The following DACT2 variants were observed in gnomAD, a reference collection of about 807,000 sequenced individuals.
DACT2 encodes the protein dapper homolog 2.
In DACT2, 20 loss-of-function variants were observed where a neutral mutation model predicts 22.2. The observed-to-expected ratio is 0.90, with a 90% CI of 0.63 to 1.31. The LOEUF (loss-of-function observed/expected upper bound fraction) is 1.31, where lower values mean the gene tolerates loss of function less well. Ranked by LOEUF, DACT2 falls within the 50% of genes most tolerant of loss-of-function variation. The pLI, the probability that DACT2 is intolerant of heterozygous loss-of-function variation, is 0.00. For missense variants in DACT2, 1,048 were observed against 1,061.4 expected (o/e 0.99, Z 0.18); for synonymous variants, 463 against 479.8 (o/e 0.96, Z 0.46).
intron 3 of DACT2, chr6:168,299,549 C>T (rs1779066973): frequency 6.6e-6 from 1 of 152,162 alleles, no homozygotes; most frequent in South Asian, 2.1e-4. Flanking sequence ...CTTGTCATTG[C>T]TTGAATTTTG....
At chr6:168,294,303 C>T in intron 4 of DACT2, 1 of 697,398 alleles carries the variant, frequency 1.4e-6, no homozygotes, top group Admixed American at 2.0e-5. Flanking sequence ...GGTGTGAGGA[C>T]ACAGAGGAAG....
downstream of DACT2, among the ~76,000 whole-genome samples, chr6:168,305,592 C>A (rs1226468799): frequency 7.2e-6 from 1 of 138,684 alleles, no homozygotes; most frequent in Non-Finnish European, 1.5e-5. Flanking sequence ...AACTTCCTAG[C>A]CACGTCTTCA....
At chr6:168,293,837 G>T in exon 6 of DACT2, 2 of 702,318 alleles carry the variant, frequency 2.8e-6, no homozygotes, top group South Asian at 1.5e-5. Flanking sequence ...GCCAGGACCC[G>T]ACTTCCAGCC....
chr6:168,294,577 G>GTGTA (rs1177617130), intron 4 of DACT2: 32 of 124,466 alleles, frequency 2.6e-4, no homozygotes, highest in African/African-American at 1.4e-3. Flanking sequence ...GTGTGTGTGT[G>GTGTA]TATATATATA....
chr6:168,314,252 C>T (rs1779493100), intron 1 of DACT2, among the ~76,000 whole-genome samples: 1 of 152,210 alleles, frequency 6.6e-6, no homozygotes, highest in South Asian at 2.1e-4. Flanking sequence ...CCTCTGCAAG[C>T]GTTCAGGCTA....
At chr6:168,310,071 T>C (rs1583298813) in intron 3 of DACT2, 97 bp downstream of exon 3, 3 of 1,491,204 alleles carry the variant, frequency 2.0e-6, no homozygotes, top group Admixed American at 5.2e-5. Flanking sequence ...GCGTGCTCCG[T>C]GTAGGGTCCC....
At chr6:168,300,641 G>A (rs1266284006) in intron 3 of DACT2, 1 of 152,152 alleles carries the variant, frequency 6.6e-6, no homozygotes, top group Non-Finnish European at 1.5e-5. Context: ...TTCAAAAATA[G>A]AAATTAAAAG....
At chr6:168,295,679 A>G (rs1778995907) in intron 3 of DACT2, among the ~76,000 whole-genome samples, 1 of 152,258 alleles carries the variant, frequency 6.6e-6, no homozygotes, top group Non-Finnish European at 1.5e-5. Flanking sequence ...GCCTATAAAT[A>G]TAAATGCAAT....
chr6:168,307,660 G>A lies in DACT2; in HGVS notation c.2097C>T (p.Ser699=), dbSNP rs1737030416. The change falls in exon 4 of 4, where the codon TCC becomes TCT. Residue 699 remains serine (S), a synonymous_variant. Transcript: ENST00000366795. This position sits in a 1 kb window ranked among gnomAD's most constrained non-coding sequence, Gnocchi z 5.3. ...CGCCGCCCTCCTCGTCGCTGCTGCT[G>A]GACTCACGGTCTCCGAATCGGTTGG... ...HTTNRFGDRE[S]SSSDEEGGAQ... 6.5e-7 allele frequency: 1 copy of A among 1,548,958 alleles called. No homozygotes were observed. Among genetic ancestry groups the A allele is most frequent in the Non-Finnish European group, 8.7e-7 (1 of 1,145,552 alleles).
chr6:168,297,721 C>A (rs1779031427), intron 3 of DACT2, among the ~76,000 whole-genome samples: 1 of 152,216 alleles, frequency 6.6e-6, no homozygotes. Context: ...CAGAGAGAGT[C>A]TTGCTTGCGT....
Position 168,308,465 on chromosome 6 carries a change from C to T in DACT2, c.1292G>A (p.Cys431Tyr), listed in dbSNP as rs1779290837. 1 of 1,551,530 alleles carries T rather than the reference C, an allele frequency of 6.4e-7. No individual in the cohort carries two copies. The highest frequency in any genetic ancestry group is 1.2e-5 in the South Asian group (1 of 84,068). ...PEEGSKPSNSCVLRETMVQAS... is the reference protein window; with the variant it reads ...PEEGSKPSNSYVLRETMVQAS... ...CTGCACCATGGTCTCCCTGAGGACA[C>T]AGCTGTTTGAGGGCTTGGAGCCCTC... The change falls in exon 4 of 4, where the codon TGT (cysteine) becomes TAT (tyrosine). Residue 431 changes from cysteine (C) to tyrosine (Y), a missense_variant. Cys to Tyr is a radical substitution (Grantham distance 194). Coordinates refer to ENST00000366795, the MANE Select transcript of DACT2 (RefSeq NM_214462.5).
chr6:168,308,139 G>A lies in DACT2; in HGVS notation c.1618C>T (p.Pro540Ser), dbSNP rs1476410675. ...PSLEWDPAHW[P>S]TGRGGLQRRP... ...CGCTGGAGCCCGCCCCTCCCTGTGGGCCAGTGGGCAGGGTCCCACTCCAGG... is the reference window on the plus strand; with the variant it reads ...CGCTGGAGCCCGCCCCTCCCTGTGGACCAGTGGGCAGGGTCCCACTCCAGG... Residue 540 changes from proline (P) to serine (S), a missense_variant, in exon 4 of 4, where the codon CCC (proline) becomes TCC (serine). Physicochemically the swap from Pro to Ser is moderately conservative, Grantham distance 74 (BLOSUM62 -1). Coordinates refer to ENST00000366795, the MANE Select transcript of DACT2 (RefSeq NM_214462.5). 3 of 1,549,708 alleles carry A rather than the reference G, an allele frequency of 1.9e-6. No homozygotes were observed. The South Asian group carries it at 3.6e-5, about 18-fold the overall frequency.
chr6:168,307,294 G>A lies in DACT2; in HGVS notation c.*138C>T. On this transcript the variant is annotated 3_prime_UTR_variant, in exon 4 of 4. Coordinates refer to ENST00000366795, the MANE Select transcript of DACT2 (RefSeq NM_214462.5). The surrounding 1 kb of genome is among the most constrained non-coding windows in gnomAD (Gnocchi z 5.3). ...ATACTCCACAGGGCAGAACCCATCT[G>A]CGGGGACTCCTGTTAAACGGTGGCC... 6.8e-7 allele frequency: 1 copy of A among 1,469,090 alleles called. No homozygotes were observed. Among genetic ancestry groups the A allele is most frequent in the Non-Finnish European group, 9.0e-7 (1 of 1,111,874 alleles). 91.0% of individuals were successfully genotyped at this position (1,469,090 alleles called of 1,614,324 possible).
chr6:168,319,714 G>A lies in DACT2; in HGVS notation c.-81C>T. On this transcript the variant is annotated 5_prime_UTR_variant, in exon 1 of 4. Coordinates refer to ENST00000366795, the MANE Select transcript of DACT2 (RefSeq NM_214462.5). Reference sequence around the variant, plus strand: ...GCGCGCGGATCCCGAGCTGTGTCGCGGGTCCTCCTGCGCCTCCTCTCTCCG... The same window carrying A: ...GCGCGCGGATCCCGAGCTGTGTCGCAGGTCCTCCTGCGCCTCCTCTCTCCG... 1 of 1,185,116 alleles carries A rather than the reference G, an allele frequency of 8.4e-7. No individual in the cohort carries two copies. The highest frequency in any genetic ancestry group is 4.1e-5 in the South Asian group (1 of 24,690). 73.4% of individuals were successfully genotyped at this position (1,185,116 alleles called of 1,614,324 possible). A position where few individuals can be genotyped will look rare whatever the true frequency, so the allele number is the denominator to read the frequency against.
intron 3 of DACT2, chr6:168,294,781 GCTTC>G: frequency 1.7e-6 from 1 of 605,194 alleles, no homozygotes; most frequent in Non-Finnish European, 2.5e-6. Context: ...CGATTCTGCA[GCTTC>G]AATGATTCTG....
At chr6:168,300,709 G>T (rs7757897) in intron 3 of DACT2, 1 of 152,084 alleles carries the variant, frequency 6.6e-6, no homozygotes, top group African/African-American at 2.4e-5. Context: ...ACTCTCAGCC[G>T]GGTGTGGTGG....
chr6:168,307,495 C>T lies in DACT2; in HGVS notation c.2262G>A (p.Lys754=). 6.4e-7 allele frequency: 1 copy of T among 1,551,628 alleles called. No homozygotes were observed. The highest frequency in any genetic ancestry group is 8.7e-7 in the Non-Finnish European group (1 of 1,146,986). Residue 754 remains lysine, a synonymous_variant, in exon 4 of 4, where the codon AAG becomes AAA. Coordinates refer to ENST00000366795, the MANE Select transcript of DACT2 (RefSeq NM_214462.5). The surrounding 1 kb of genome is among the most constrained non-coding windows in gnomAD (Gnocchi z 5.3). ...VPKLCRIKAS[K]ALKKKIRRFQ... ...ACCTGCGGATCTTCTTCTTCAGGGC[C>T]TTGGAGGCCTTAATACGGCACAGCT...
In DACT2 at chr6:168,308,339, G is replaced by A. The variant is rs568170901; in HGVS notation, c.1418C>T (p.Pro473Leu). 2.0e-5 allele frequency: 31 copies of A among 1,552,032 alleles called. No homozygotes were observed. In the Admixed American group the frequency reaches 2.2e-4, roughly 11 times the overall value. ...PSRMLDKSPS[P>L]ASGHFAHPSF... ...TGGGTGGGCAAAGTGCCCAGAGGCC[G>A]GTGAGGGGCTCTTGTCCAGCATCCT... Residue 473 changes from proline (P) to leucine (L), a missense_variant, in exon 4 of 4, where the codon CCG becomes CTG. Coordinates refer to ENST00000366795, the MANE Select transcript of DACT2 (RefSeq NM_214462.5).
downstream of DACT2, among the ~76,000 whole-genome samples, chr6:168,305,553 ATGAG>A (rs1170986644): frequency 3.9e-5 from 6 of 152,114 alleles, no homozygotes; most frequent in African/African-American, 1.4e-4. Flanking sequence ...AAAAGCACCA[ATGAG>A]TGAGCAGAAT....
Sources: allele counts gnomAD v4.1 joint callset (sites outside exome capture counted in the v4.1 genomes callset), GRCh38; gene constraint gnomAD v4.1.1; non-coding constraint Gnocchi (gnomAD v3.1); transcripts MANE v1.5; gene names NCBI Gene and HGNC (gene_info 2026-07-23, HGNC 2026-07-21).